Variants in PDE4D observed in about 807,000 individuals in gnomAD.
PDE4D encodes phosphodiesterase 4D, also known as 3',5'-cyclic-AMP phosphodiesterase 4D.
Under a neutral mutation model 87.4 loss-of-function variants are expected in PDE4D, and 24 were observed. The ratio of observed to expected loss-of-function variants is 0.27; its 90% confidence interval spans 0.20 to 0.39. The LOEUF (loss-of-function observed/expected upper bound fraction) is 0.39, where lower values mean the gene tolerates loss of function less well. Among genes scored for constraint, PDE4D ranks in the 10% least tolerant of loss-of-function variants. The pLI is 1.00. For synonymous variants in PDE4D, 384 were observed against 383.2 expected, an observed-to-expected ratio of 1.00 and a Z score of -0.02; for missense variants, 714 against 1,041.0, an observed-to-expected ratio of 0.69 and a Z score of 4.32.
chr5:59,538,174 A>G (rs992245153), intron 1 of PDE4D, among the ~76,000 whole-genome samples: 3 of 152,248 alleles, frequency 2.0e-5, no homozygotes, highest in African/African-American at 7.2e-5. Flanking sequence ...TAAAATTCAC[A>G]TAACACTTAA....
intron 1 of PDE4D, among the ~76,000 whole-genome samples, chr5:59,323,805 T>C (rs1279227325): frequency 2.0e-5 from 3 of 152,086 alleles, no homozygotes; most frequent in Non-Finnish European, 4.4e-5. Flanking sequence ...GAAGTGCATA[T>C]TTAATTATGT....
rs1830852786 is a variant in PDE4D at position 59,625,958 on chromosome 5, G to A, written c.455+267210C>T. The stretch of plus-strand genomic sequence containing the variant: ...AAAAAATTGGCCAGGCGTGGTGGCG[G>A]GCGCCTGTAGTCCCAGCTACTTGGG... On this transcript the variant is annotated intron_variant, in intron 1 of 14. Transcript: ENST00000340635. Among the ~76,000 whole-genome samples the A allele has an allele frequency of 2.0e-5, 3 of 152,180 alleles. No individual in the cohort carries two copies. The South Asian group carries it at 6.2e-4, about 32-fold the overall frequency.
In PDE4D at chr5:60,046,193, T is replaced by G. The variant is rs189325795; in HGVS notation, c.43-57476A>C. ...GTCTGTTGTTGGTGTATAAGAACGC[T>G]TGTGATTTTTGTACATTGATTTTGT... On this transcript the variant is annotated intron_variant, in intron 2 of 16. Transcript: ENST00000502484. Among the ~76,000 whole-genome samples, 591 of 152,314 alleles carry G rather than the reference T, an allele frequency of 3.9e-3. 6 individuals are homozygous for G. Among genetic ancestry groups the G allele is most frequent in the African/African-American group, 0.013 (553 of 41,562 alleles).
At chr5:60,429,085 G>A (rs1743968801) in intron 1 of PDE4D, among the ~76,000 whole-genome samples, 1 of 152,168 alleles carries the variant, frequency 6.6e-6, no homozygotes, top group Non-Finnish European at 1.5e-5. Context: ...TATGATAAAT[G>A]TTATGGTTTC....
At chr5:59,332,447 T>G (rs1380393628) in intron 1 of PDE4D, among the ~76,000 whole-genome samples, 1 of 152,204 alleles carries the variant, frequency 6.6e-6, no homozygotes, top group Admixed American at 6.5e-5. Flanking sequence ...CAAGGCACTC[T>G]TAGATAATGT....
At position 59,591,910 on chromosome 5, in the gene PDE4D, T is replaced by C. The variant is rs117629698; in HGVS notation, c.455+301258A>G. On this transcript the variant is annotated intron_variant, in intron 1 of 14. Transcript: ENST00000340635. ...CAGGATGTGACTTTTTGCCTCAAGCTCCCCCCATAAATATATATTTTTTAC... is the reference window on the plus strand; with the variant it reads ...CAGGATGTGACTTTTTGCCTCAAGCCCCCCCCATAAATATATATTTTTTAC... Among the ~76,000 whole-genome samples, 910 of 152,028 alleles carry C rather than the reference T, an allele frequency of 6.0e-3. 7 individuals are homozygous for C. The highest frequency in any genetic ancestry group is 0.023 in the Admixed American group (346 of 15,236).
At chr5:59,134,477 TTC>T (rs1776749138) in intron 5 of PDE4D, among the ~76,000 whole-genome samples, 1 of 152,078 alleles carries the variant, frequency 6.6e-6, no homozygotes, top group Non-Finnish European at 1.5e-5. Flanking sequence ...AGAGACAGTT[TTC>T]TCTTTGAAAA....
intron 3 of PDE4D, among the ~76,000 whole-genome samples, chr5:59,926,688 G>A (rs773884347): frequency 6.6e-6 from 1 of 151,962 alleles, no homozygotes; most frequent in East Asian, 1.9e-4. Flanking sequence ...GATGAAGAAG[G>A]GTACATTACA....
intron 1 of PDE4D, among the ~76,000 whole-genome samples, chr5:59,840,195 TC>T (rs1742761728): frequency 6.6e-6 from 1 of 151,510 alleles, no homozygotes; most frequent in South Asian, 2.1e-4. Context: ...ACCTCCCTGA[TC>T]ATCTGAAGGC....
chr5:59,895,036 A>G (rs971406738), upstream of PDE4D, among the ~76,000 whole-genome samples: 1 of 152,210 alleles, frequency 6.6e-6, no homozygotes, highest in Non-Finnish European at 1.5e-5. Flanking sequence ...AGGACTCACA[A>G]CAACTTGTTG....
chr5:58,977,680 A>G (rs1438906337), intron 11 of PDE4D, among the ~76,000 whole-genome samples: 1 of 152,188 alleles, frequency 6.6e-6, no homozygotes, highest in Non-Finnish European at 1.5e-5. Context: ...CTTAGTATCT[A>G]TAACACATCC....
intron 1 of PDE4D, chr5:59,586,582 G>C: frequency 7.3e-7 from 1 of 1,369,494 alleles, no homozygotes; most frequent in South Asian, 1.8e-5. Flanking sequence ...TTTGAAAAAA[G>C]AAACATCACA....
chr5:58,976,557 G>A, intron 12 of PDE4D, 85 bp from the exon 13 acceptor site: 10 of 1,099,818 alleles, frequency 9.1e-6, no homozygotes, highest in Non-Finnish European at 1.3e-5. Flanking sequence ...AATGAAAAAG[G>A]AATAAAACAA....
At chr5:59,142,091 A>G (rs957749887) in intron 5 of PDE4D, among the ~76,000 whole-genome samples, 34 of 152,332 alleles carry the variant, frequency 2.2e-4, no homozygotes, top group South Asian at 1.7e-3. Flanking sequence ...AATGAATATT[A>G]GGCTGATAAT....
intron 2 of PDE4D, among the ~76,000 whole-genome samples, chr5:60,025,817 G>A (rs1766562435): frequency 6.6e-6 from 1 of 152,062 alleles, no homozygotes; most frequent in Non-Finnish European, 1.5e-5. Flanking sequence ...TCAATCAGTT[G>A]AACCCAGTGA....
chr5:59,138,186 T>C (rs1777403854), intron 5 of PDE4D, among the ~76,000 whole-genome samples: 1 of 152,264 alleles, frequency 6.6e-6, no homozygotes. Flanking sequence ...GTTTAGTGCA[T>C]GTGTTTCTCA....
At chr5:59,100,104 C>G (rs1213478176) in intron 5 of PDE4D, among the ~76,000 whole-genome samples, 1 of 152,206 alleles carries the variant, frequency 6.6e-6, no homozygotes, top group Admixed American at 6.5e-5. Flanking sequence ...AAACTGCTTC[C>G]CATGGTTCCA....
chr5:59,542,167 C>T (rs1487146120), intron 1 of PDE4D, among the ~76,000 whole-genome samples: 2 of 152,086 alleles, frequency 1.3e-5, no homozygotes, highest in African/African-American at 2.4e-5. Flanking sequence ...TATCCTAGTG[C>T]TATTTTTTTC....
intron 1 of PDE4D, among the ~76,000 whole-genome samples, chr5:59,645,385 G>T (rs298026): frequency 0.35 from 52,751 of 152,140 alleles, 10,246 homozygotes; most frequent in East Asian, 0.74. Context: ...AGAAGTTTAA[G>T]ATCAATGTCT....
Sources: gnomAD v4.1 joint callset for allele counts (sites outside exome capture counted in the v4.1 genomes callset) on GRCh38, gnomAD v4.1.1 for gene constraint, MANE v1.5 for transcripts, NCBI Gene and HGNC (gene_info 2026-07-23, HGNC 2026-07-21) for gene names.